Variants in TANC1 observed in about 807,000 individuals in gnomAD.
The protein encoded by TANC1 is protein TANC1.
In TANC1, 77 loss-of-function variants were observed where a neutral mutation model predicts 149.7. That is an observed-to-expected ratio of 0.51 (90% CI 0.43 to 0.62). The LOEUF (loss-of-function observed/expected upper bound fraction) is 0.62. Among genes scored for constraint, TANC1 ranks in the 20% least tolerant of loss-of-function variants. TANC1 has a pLI of 0.00. For missense variants in TANC1, 1,985 were observed against 2,321.8 expected (o/e 0.85, Z 2.98); for synonymous variants, 854 against 925.0 (o/e 0.92, Z 1.39).
intron 3 of TANC1, among the ~76,000 whole-genome samples, chr2:159,079,714 A>G (rs1159672933): frequency 1.3e-5 from 2 of 152,294 alleles, no homozygotes; most frequent in African/African-American, 4.8e-5. Context: ...CCCATCACGG[A>G]CTCAGACAGT....
chr2:159,162,219 G>A (rs539270194), intron 7 of TANC1, among the ~76,000 whole-genome samples: 1 of 152,352 alleles, frequency 6.6e-6, no homozygotes, highest in African/African-American at 2.4e-5. Flanking sequence ...CTGATACAGT[G>A]TGTATCATCT....
intron 19 of TANC1, among the ~76,000 whole-genome samples, chr2:159,209,386 C>T (rs781013383): frequency 8.5e-5 from 13 of 152,164 alleles, no homozygotes; most frequent in Non-Finnish European, 1.3e-4. Flanking sequence ...CGCTCAGAGA[C>T]GGGAGGAAAT....
intron 15 of TANC1, among the ~76,000 whole-genome samples, chr2:159,186,262 AT>A (rs1226659556): frequency 3.3e-5 from 5 of 151,662 alleles, no homozygotes; most frequent in Admixed American, 1.3e-4. Context: ...GACCTGTGTG[AT>A]TTTGTACCAC....
intron 17 of TANC1, among the ~76,000 whole-genome samples, chr2:159,196,028 C>T (rs2057819006): frequency 6.6e-6 from 1 of 152,216 alleles, no homozygotes; most frequent in Non-Finnish European, 1.5e-5. Flanking sequence ...GCTGGCCTGC[C>T]CTGACTTTGT....
chr2:159,091,521 A>C (rs2045540746), intron 3 of TANC1, among the ~76,000 whole-genome samples: 1 of 152,154 alleles, frequency 6.6e-6, no homozygotes, highest in Non-Finnish European at 1.5e-5. Flanking sequence ...TAAAAGGAAA[A>C]CTTTGACAAT....
chr2:159,140,241 A>G (rs989108608), intron 5 of TANC1, among the ~76,000 whole-genome samples: 6 of 152,218 alleles, frequency 3.9e-5, no homozygotes, highest in African/African-American at 1.4e-4. Context: ...AAAGTGAAAA[A>G]AAGAATATGA....
Position 159,228,788 on chromosome 2 carries a change from G to T in TANC1, c.4051-8G>T, listed in dbSNP as rs766127861. ...GCTTCTGACTCCTGTATTTCTTGTCGACACCAGGACTTTGGCATGGCAGAG... is the reference window on the plus strand; with the variant it reads ...GCTTCTGACTCCTGTATTTCTTGTCTACACCAGGACTTTGGCATGGCAGAG... On this transcript the variant is annotated splice_region_variant and splice_polypyrimidine_tract_variant and intron_variant, in intron 25 of 26. Transcript: ENST00000263635. 3 of 1,608,870 alleles carry T rather than the reference G, an allele frequency of 1.9e-6. No individual in the cohort carries two copies. In the South Asian group the frequency reaches 3.3e-5, roughly 18 times the overall value.
intron 4 of TANC1, among the ~76,000 whole-genome samples, chr2:159,106,478 T>G (rs2047196122): frequency 6.6e-6 from 1 of 152,238 alleles, no homozygotes; most frequent in South Asian, 2.1e-4. Context: ...ATCCAAGTTG[T>G]GGCATGTATC....
At chr2:158,981,769 C>A (rs1020936679) in intron 1 of TANC1, among the ~76,000 whole-genome samples, 2 of 151,594 alleles carry the variant, frequency 1.3e-5, no homozygotes, top group African/African-American at 4.8e-5. Context: ...TGACAAGTAT[C>A]TGAGTTGTGA....
At position 159,228,830 on chromosome 2, in the gene TANC1, C is replaced by T; in HGVS notation, c.4085C>T (p.Ala1362Val). The T allele has an allele frequency of 6.2e-7, 1 of 1,614,132 alleles. No individual in the cohort carries two copies. The highest frequency in any genetic ancestry group is 1.1e-5 in the South Asian group (1 of 91,074). ...ATGGCAGAGGAATTTGCTTCCAAGG[C>T]TCTCGAATTGAAGCCCAAGTCCTAT... ...FGMAEEFASK[A>V]LELKPKSYEA... Residue 1362 changes from alanine to valine, a missense_variant, in exon 26 of 27, where the codon GCT (alanine) becomes GTT (valine). By Grantham distance (64) the Ala-to-Val change is moderately conservative. This residue lies in a region of TANC1 where 920 missense variants were observed against 994.7 expected (regional missense o/e 0.92). Coordinates refer to ENST00000263635, the MANE Select transcript of TANC1 (RefSeq NM_033394.3).
intron 2 of TANC1, among the ~76,000 whole-genome samples, chr2:159,031,020 G>T (rs1481031656): frequency 6.6e-6 from 1 of 152,144 alleles, no homozygotes; most frequent in East Asian, 1.9e-4. Flanking sequence ...GTGACCTCCA[G>T]TCCCCTGGAA....
At chr2:159,135,152 C>G (rs1050749251) in intron 4 of TANC1, among the ~76,000 whole-genome samples, 1 of 152,210 alleles carries the variant, frequency 6.6e-6, no homozygotes, top group Non-Finnish European at 1.5e-5. Flanking sequence ...TTTATACTTT[C>G]TGAAAGATTT....
intron 3 of TANC1, among the ~76,000 whole-genome samples, chr2:159,074,443 C>T (rs925695623): frequency 2.0e-5 from 3 of 152,012 alleles, no homozygotes; most frequent in South Asian, 2.1e-4. Context: ...TTGTAGATCA[C>T]GAAACTGGCT....
In TANC1 at chr2:159,004,123, C is replaced by T; in HGVS notation, c.-16+2934C>T. On this transcript the variant is annotated intron_variant, in intron 2 of 26. Transcript: ENST00000263635. ...ATTACTGGTCATGCAGAAGCCAAAC[C>T]AATCACAGAAATGCTTCCTGGAATA... 3 of 1,612,044 alleles carry T rather than the reference C, an allele frequency of 1.9e-6. No homozygotes were observed. In the South Asian group the frequency reaches 3.3e-5, roughly 18 times the overall value.
At chr2:159,117,746 A>G (rs2048431928) in intron 4 of TANC1, among the ~76,000 whole-genome samples, 1 of 112,846 alleles carries the variant, frequency 8.9e-6, no homozygotes, top group Admixed American at 1.0e-4. Flanking sequence ...CTTATTCCCA[A>G]TGTCCTTTTT....
chr2:159,176,455 CA>C lies in TANC1; in HGVS notation c.1843del (p.Ile615LeufsTer9). On this transcript the variant is annotated frameshift_variant, in exon 13 of 27. Coordinates refer to ENST00000263635, the MANE Select transcript of TANC1 (RefSeq NM_033394.3). LOFTEE classifies it high-confidence loss of function. ...GAGATACGCTTTCTTCATTTATTAC[CA>C]AAATTATTTCTAAATTTCCTGCCTG... ...YGDTLSSFIT[K>X]IISKFPAWLK... 1 of 1,601,826 alleles carries C rather than the reference CA, an allele frequency of 6.2e-7. No homozygotes were observed. Among genetic ancestry groups the C allele is most frequent in the South Asian group, 1.1e-5 (1 of 88,072 alleles).
chr2:159,148,938 T>G, intron 5 of TANC1: 2 of 496,430 alleles, frequency 4.0e-6, no homozygotes, highest in Non-Finnish European at 7.0e-6. Context: ...GCACTTGGAG[T>G]TTTTGTTTTA....
chr2:159,220,713 C>T (rs149379048), intron 22 of TANC1, among the ~76,000 whole-genome samples: 3 of 152,094 alleles, frequency 2.0e-5, no homozygotes, highest in African/African-American at 4.8e-5. Flanking sequence ...ACCTCAGCCC[C>T]CTGAGTAGCT....
intron 3 of TANC1, among the ~76,000 whole-genome samples, chr2:159,068,939 C>G (rs1479562475): frequency 6.6e-6 from 1 of 152,140 alleles, no homozygotes; most frequent in African/African-American, 2.4e-5. Flanking sequence ...GGGGGTTTCT[C>G]CATGTTGGCC....
Sources: allele counts gnomAD v4.1 joint callset (sites outside exome capture counted in the v4.1 genomes callset), GRCh38; gene constraint gnomAD v4.1.1; regional missense constraint gnomAD v4.1.1; transcripts MANE v1.5; gene names NCBI Gene and HGNC (gene_info 2026-07-23, HGNC 2026-07-21).